GALNT13: variants seen among roughly 807,000 people sequenced by gnomAD.
GALNT13 encodes the protein UDP-GalNAc:polypeptide N-acetylgalactosaminyltransferase 13.
Under a neutral mutation model 64.2 loss-of-function variants are expected in GALNT13, and 28 were observed. The observed-to-expected ratio is 0.44, with a 90% CI of 0.32 to 0.60. The LOEUF is 0.60. Among genes scored for constraint, GALNT13 ranks in the 20% least tolerant of loss-of-function variants. The pLI is 0.05. For missense variants in GALNT13, 577 were observed against 669.8 expected (o/e 0.86, Z 1.53); for synonymous variants, 214 against 224.6 (o/e 0.95, Z 0.42).
chr2:153,818,814 C>A, the GALNT13 span, among the ~76,000 whole-genome samples: 1 of 152,118 alleles, frequency 6.6e-6, no homozygotes, highest in South Asian at 2.1e-4. Context: ...TACCTGCATC[C>A]CAGAGCCCTT....
chr2:154,373,957 AGTT>A (rs1160312281), intron 9 of GALNT13, among the ~76,000 whole-genome samples: 3 of 152,210 alleles, frequency 2.0e-5, no homozygotes, highest in Non-Finnish European at 4.4e-5. Context: ...GTGAGGCTAA[AGTT>A]GTGTTCAAAA....
the GALNT13 span, among the ~76,000 whole-genome samples, chr2:153,534,060 T>G: frequency 6.6e-6 from 1 of 152,172 alleles, no homozygotes; most frequent in South Asian, 2.1e-4. Context: ...TCTCTATTCT[T>G]ATATTGCTCA....
At chr2:154,403,474 GA>G (rs975221177) in intron 10 of GALNT13, among the ~76,000 whole-genome samples, 4 of 148,362 alleles carry the variant, frequency 2.7e-5, no homozygotes, top group African/African-American at 5.0e-5. Context: ...AAACAAAAAC[GA>G]AAAAAAAAGC....
At chr2:153,449,403 G>T in the GALNT13 span, among the ~76,000 whole-genome samples, 1 of 152,030 alleles carries the variant, frequency 6.6e-6, no homozygotes, top group African/African-American at 2.4e-5. Context: ...CCTCAAAGAA[G>T]ACATGCACCC....
intron 8 of GALNT13, among the ~76,000 whole-genome samples, chr2:154,291,481 C>G (rs1054010272): frequency 1.3e-5 from 2 of 152,230 alleles, no homozygotes; most frequent in African/African-American, 4.8e-5. Context: ...CTGGCTTCAC[C>G]TCTCAATGGC....
At chr2:153,280,173 C>T in the GALNT13 span, among the ~76,000 whole-genome samples, 1 of 152,044 alleles carries the variant, frequency 6.6e-6, no homozygotes, top group Admixed American at 6.6e-5. Flanking sequence ...ACATAATAGT[C>T]TCTGAGGATC....
intron 3 of GALNT13, among the ~76,000 whole-genome samples, chr2:153,992,105 C>T (rs1301150545): frequency 6.6e-6 from 1 of 152,072 alleles, no homozygotes; most frequent in Non-Finnish European, 1.5e-5. Context: ...TGTCCTAGGG[C>T]TTTATAATAT....
At chr2:153,268,650 T>C in the GALNT13 span, among the ~76,000 whole-genome samples, 1 of 152,242 alleles carries the variant, frequency 6.6e-6, no homozygotes, top group Non-Finnish European at 1.5e-5. Flanking sequence ...TGCATTGCCC[T>C]GGTACAGGTT....
intron 2 of GALNT13, among the ~76,000 whole-genome samples, chr2:153,925,118 C>T (rs950336896): frequency 2.6e-5 from 4 of 152,094 alleles, no homozygotes; most frequent in Admixed American, 2.0e-4. Context: ...TTTGTCATGA[C>T]ATCTTGGCCT....
At chr2:153,517,599 A>G in the GALNT13 span, among the ~76,000 whole-genome samples, 3 of 152,156 alleles carry the variant, frequency 2.0e-5, no homozygotes, top group Non-Finnish European at 4.4e-5. Flanking sequence ...CATGGAATCA[A>G]GCAAATTTCC....
At chr2:154,140,985 G>A (rs1418136829) in intron 4 of GALNT13, among the ~76,000 whole-genome samples, 1 of 152,028 alleles carries the variant, frequency 6.6e-6, no homozygotes, top group Non-Finnish European at 1.5e-5. Flanking sequence ...ATTGTTTCTA[G>A]GCTGTAACTC....
Position 154,360,907 on chromosome 2 carries a change from T to C in GALNT13, c.1157-35084T>C, listed in dbSNP as rs146343649. 5.9e-3 allele frequency among the ~76,000 whole-genome samples: 893 copies of C among 152,068 alleles called. 4 individuals carry two copies. The highest frequency in any genetic ancestry group is 0.037 in the Middle Eastern group (11 of 294). On this transcript the variant is annotated intron_variant, in intron 9 of 12. Coordinates refer to ENST00000392825, the MANE Select transcript of GALNT13 (RefSeq NM_052917.4). ...GGCATTTGACTTGGGATTATAAAGA[T>C]GAATCATACTTTAGAAGCATGGGGA... is the stretch of plus-strand genomic sequence containing the variant.
At chr2:153,908,123 C>T (rs190842478) in intron 2 of GALNT13, among the ~76,000 whole-genome samples, 3 of 152,184 alleles carry the variant, frequency 2.0e-5, no homozygotes, top group Admixed American at 1.3e-4. Context: ...GATGGTATCT[C>T]ATGGTGGTTT....
At chr2:153,280,627 G>C in the GALNT13 span, among the ~76,000 whole-genome samples, 1 of 152,036 alleles carries the variant, frequency 6.6e-6, no homozygotes, top group Non-Finnish European at 1.5e-5. Context: ...TCACCCAAAA[G>C]CCACTCATGA....
chr2:154,193,785 A>G (rs554860780), intron 4 of GALNT13, among the ~76,000 whole-genome samples: 1 of 152,136 alleles, frequency 6.6e-6, no homozygotes, highest in South Asian at 2.1e-4. Context: ...TACCAGCTCC[A>G]CCTCTGACTA....
chr2:153,705,224 C>A, the GALNT13 span, among the ~76,000 whole-genome samples: 6 of 152,134 alleles, frequency 3.9e-5, no homozygotes, highest in African/African-American at 1.4e-4. Context: ...TATGGCTCCA[C>A]TGACTAGTCT....
chr2:153,344,269 G>T, the GALNT13 span, among the ~76,000 whole-genome samples: 2 of 152,284 alleles, frequency 1.3e-5, no homozygotes, highest in Admixed American at 6.5e-5. Flanking sequence ...TTGTAAAAGC[G>T]AAAGGATGTC....
the GALNT13 span, among the ~76,000 whole-genome samples, chr2:153,126,296 GTATATATATATATATATA>G: frequency 0.44 from 52,562 of 118,844 alleles, 12,658 homozygotes; most frequent in Middle Eastern, 0.59. Flanking sequence ...TATTGATTTT[GTATATATATATATATATA>G]TATATATATA....
At chr2:153,511,948 G>A in the GALNT13 span, among the ~76,000 whole-genome samples, 923 of 152,188 alleles carry the variant, frequency 6.1e-3, 14 homozygotes, top group African/African-American at 0.021. Flanking sequence ...AGAGGTTGTA[G>A]GCAAAAAGGA....
Sources: gnomAD v4.1 joint callset for allele counts (sites outside exome capture counted in the v4.1 genomes callset) on GRCh38, gnomAD v4.1.1 for gene constraint, MANE v1.5 for transcripts, NCBI Gene and HGNC (gene_info 2026-07-23, HGNC 2026-07-21) for gene names.